RPH3A: variants seen among roughly 807,000 people sequenced by gnomAD.
RPH3A encodes the protein rabphilin-3A.
RPH3A carries 48 observed loss-of-function variants against 102.2 expected under a neutral mutation model. That is an observed-to-expected ratio of 0.47 (90% CI 0.37 to 0.60). RPH3A has a LOEUF of 0.60. RPH3A is among the 20% of genes least tolerant of loss of function. RPH3A has a pLI of 0.00. For synonymous variants in RPH3A, 310 were observed against 324.3 expected, an observed-to-expected ratio of 0.96 and a Z score of 0.47; for missense variants, 781 against 910.1, an observed-to-expected ratio of 0.86 and a Z score of 1.83.
intron 2 of RPH3A, among the ~76,000 whole-genome samples, chr12:112,827,203 G>A (rs7977316): frequency 0.045 from 6,883 of 152,108 alleles, 535 homozygotes; most frequent in African/African-American, 0.16. Context: ...ACAAAGAAAC[G>A]CTGCACCCCA....
chr12:112,654,914 A>C (rs1185374013), intron 1 of RPH3A, among the ~76,000 whole-genome samples: 1 of 152,192 alleles, frequency 6.6e-6, no homozygotes, highest in Non-Finnish European at 1.5e-5. Context: ...AAATCGTGAA[A>C]GGCTTGTTCT....
intron 1 of RPH3A, among the ~76,000 whole-genome samples, chr12:112,605,481 A>G (rs1450847679): frequency 6.6e-6 from 1 of 152,244 alleles, no homozygotes; most frequent in Non-Finnish European, 1.5e-5. Context: ...TCAGAAGTGC[A>G]GTAACCTGCC....
chr12:112,814,377 T>G (rs889703832), intron 2 of RPH3A, among the ~76,000 whole-genome samples: 3 of 152,096 alleles, frequency 2.0e-5, no homozygotes, highest in Non-Finnish European at 4.4e-5. Context: ...TCAGGAAAGC[T>G]CATCACCCTC....
intron 21 of RPH3A, 33 bp downstream of exon 21, chr12:112,895,906 C>G: frequency 6.9e-7 from 1 of 1,442,758 alleles, no homozygotes; most frequent in Non-Finnish European, 9.7e-7. Flanking sequence ...AAAACGCCCT[C>G]TTCTGTCCTC....
intron 6 of RPH3A, 88 bp downstream of exon 6, chr12:112,865,631 T>C (rs2042599631): frequency 4.2e-6 from 6 of 1,429,826 alleles, no homozygotes; most frequent in Non-Finnish European, 5.7e-6. Flanking sequence ...CACTGGGTCT[T>C]GGGGGTGGAG....
chr12:112,675,757 G>T (rs1339415502), intron 1 of RPH3A, among the ~76,000 whole-genome samples: 1 of 152,134 alleles, frequency 6.6e-6, no homozygotes, highest in Non-Finnish European at 1.5e-5. Flanking sequence ...GTGCAAAATT[G>T]CATTCTTAAA....
At chr12:112,851,661 G>A (rs1459526062) in intron 5 of RPH3A, among the ~76,000 whole-genome samples, 1 of 152,150 alleles carries the variant, frequency 6.6e-6, no homozygotes, top group Non-Finnish European at 1.5e-5. Flanking sequence ...ATTCCATGGA[G>A]CTCATGGGCT....
At chr12:112,680,135 G>A (rs773393835) in intron 1 of RPH3A, among the ~76,000 whole-genome samples, 2 of 152,186 alleles carry the variant, frequency 1.3e-5, no homozygotes, top group Non-Finnish European at 2.9e-5. Context: ...AATGAGGGGC[G>A]AGTGGTATAT....
intron 1 of RPH3A, among the ~76,000 whole-genome samples, chr12:112,712,005 T>C (rs913163016): frequency 2.0e-5 from 3 of 152,140 alleles, no homozygotes; most frequent in Non-Finnish European, 4.4e-5. Flanking sequence ...GCTAATTTTG[T>C]ATTTTTAGTA....
intron 1 of RPH3A, among the ~76,000 whole-genome samples, chr12:112,706,340 G>A (rs2040426464): frequency 6.6e-6 from 1 of 152,116 alleles, no homozygotes; most frequent in Non-Finnish European, 1.5e-5. Flanking sequence ...TCTGAGACAT[G>A]TTTTCTCCCT....
chr12:112,879,142 A>G lies in RPH3A; in HGVS notation c.1195A>G (p.Ser399Gly). 1 of 1,614,076 alleles carries G rather than the reference A, an allele frequency of 6.2e-7. No individual in the cohort carries two copies. The highest frequency in any genetic ancestry group is 8.5e-7 in the Non-Finnish European group (1 of 1,179,958). Residue 399 changes from serine (S) to glycine (G), a missense_variant, in exon 14 of 22, where the codon AGC becomes GGC. Transcript: ENST00000389385. ...AGCCACCCTGGGTGCCCTGGAATTCAGCCTTCTCTACGACCAGGACAACAG... is the reference window on the plus strand; with the variant it reads ...AGCCACCCTGGGTGCCCTGGAATTCGGCCTTCTCTACGACCAGGACAACAG... ...EATTLGALEF[S>G]LLYDQDNSSL... is the part of the protein sequence containing the mutation.
At chr12:112,582,636 A>AT (rs2039408374) in intron 1 of RPH3A, among the ~76,000 whole-genome samples, 2 of 65,634 alleles carry the variant, frequency 3.0e-5, no homozygotes, top group African/African-American at 6.2e-5. Context: ...TTTTTTTGGT[A>AT]TTTTTTGTAG....
chr12:112,896,540 C>G, intron 21 of RPH3A, 110 bp from the exon 22 acceptor site: 1 of 1,248,938 alleles, frequency 8.0e-7, no homozygotes, highest in Non-Finnish European at 1.1e-6. Context: ...GTATGGATCC[C>G]AGGTTGCTGG....
chr12:112,788,749 G>A (rs2041067662), upstream of RPH3A, among the ~76,000 whole-genome samples: 1 of 152,206 alleles, frequency 6.6e-6, no homozygotes, highest in African/African-American at 2.4e-5. Context: ...GAAGCTGTGA[G>A]AAATTCTTTG....
intron 4 of RPH3A, among the ~76,000 whole-genome samples, chr12:112,842,637 T>C (rs1223305680): frequency 2.0e-5 from 3 of 152,216 alleles, no homozygotes; most frequent in East Asian, 3.8e-4. Flanking sequence ...AGCTAGCTAA[T>C]GAGTTACTGT....
chr12:112,756,920 T>C (rs1325479947), intron 1 of RPH3A, among the ~76,000 whole-genome samples: 2 of 152,248 alleles, frequency 1.3e-5, no homozygotes, highest in African/African-American at 4.8e-5. Context: ...TTTCCAATTT[T>C]TGCCCACCTG....
In RPH3A at chr12:112,576,861, T is replaced by C. The variant is rs191611707; in HGVS notation, c.-140+1542T>C. On this transcript the variant is annotated intron_variant, in intron 1 of 21. Transcript: ENST00000543106. ...TAAAACTTTTTTTTTTTTTAAATTA[T>C]TGTATTTTTTTCAATAGAAATGTTC... Among the ~76,000 whole-genome samples the C allele has an allele frequency of 1.9e-3, 293 of 151,582 alleles. 1 individual carries two copies. The highest frequency in any genetic ancestry group is 6.8e-3 in the Middle Eastern group (2 of 294).
At chr12:112,826,186 TAG>T (rs972711152) in intron 2 of RPH3A, among the ~76,000 whole-genome samples, 46 of 152,182 alleles carry the variant, frequency 3.0e-4, no homozygotes, top group African/African-American at 1.1e-3. Context: ...CACGAAGGGA[TAG>T]AGAGAGCCAG....
At chr12:112,877,341 T>G (rs1391860478) in intron 13 of RPH3A, among the ~76,000 whole-genome samples, 5 of 151,748 alleles carry the variant, frequency 3.3e-5, no homozygotes, top group African/African-American at 1.2e-4. Flanking sequence ...GCATCCTTAT[T>G]GAATGCCTAC....
Sources: gnomAD v4.1 joint callset for allele counts (sites outside exome capture counted in the v4.1 genomes callset) on GRCh38, gnomAD v4.1.1 for gene constraint, MANE v1.5 for transcripts, NCBI Gene and HGNC (gene_info 2026-07-23, HGNC 2026-07-21) for gene names.